Variants in PCDHA3 observed in about 807,000 individuals in gnomAD.
The protein encoded by PCDHA3 is protocadherin alpha-3.
In PCDHA3, 41 loss-of-function variants were observed where a neutral mutation model predicts 62.2. The ratio of observed to expected loss-of-function variants is 0.66; its 90% confidence interval spans 0.51 to 0.86. The LOEUF is 0.86. Among genes scored for constraint, PCDHA3 ranks in the 40% least tolerant of loss-of-function variants. PCDHA3 has a pLI of 0.00. For synonymous variants in PCDHA3, 640 were observed against 555.4 expected, an observed-to-expected ratio of 1.15 and a Z score of -2.14; for missense variants, 1,304 against 1,241.2, an observed-to-expected ratio of 1.05 and a Z score of -0.76.
chr5:140,803,050 C>T lies in PCDHA3; in HGVS notation c.1853C>T (p.Ala618Val), dbSNP rs376717092. Residue 618 changes from alanine to valine, a missense_variant, in exon 1 of 4, where the codon GCG (alanine) becomes GTG (valine). Ala to Val is a moderately conservative substitution (Grantham distance 64, BLOSUM62 0). Coordinates refer to ENST00000522353, the MANE Select transcript of PCDHA3 (RefSeq NM_018906.3). Reference sequence around the variant, plus strand: ...GAGCTGCAGCCTGGGACCGGCGGTGCGCGCATCCCGTTTCGCGTGGGGCTG... The same window carrying T: ...GAGCTGCAGCCTGGGACCGGCGGTGTGCGCATCCCGTTTCGCGTGGGGCTG... ...SYELQPGTGG[A>V]RIPFRVGLYT... The T allele has an allele frequency of 1.9e-6, 3 of 1,613,992 alleles. No homozygotes were observed. Among genetic ancestry groups the T allele is most frequent in the Non-Finnish European group, 2.5e-6 (3 of 1,179,944 alleles).
rs545226629 is a variant in PCDHA3, at chr5:140,856,253, A to G, written c.2394+52662A>G. ...GCGCCTGTTCCGGGTGGCGTCCAAA[A>G]GACACGGGGACCTTCTGGAGGTAAA... On this transcript the variant is annotated intron_variant, in intron 1 of 3. Transcript: ENST00000522353. 2.5e-6 allele frequency: 4 copies of G among 1,597,916 alleles called. No individual in the cohort carries two copies. The African/African-American group carries it at 4.0e-5, about 16-fold the overall frequency.
At position 140,803,556 on chromosome 5, in the gene PCDHA3, G is replaced by A; in HGVS notation, c.2359G>A (p.Glu787Lys). The A allele has an allele frequency of 6.2e-7, 1 of 1,614,228 alleles. No homozygotes were observed. ...TTGTCCAATTAGCCGGGATAGAGAG[G>A]AGAAACAGGATGTGGACGTTGATCT... is the stretch of plus-strand genomic sequence containing the variant. Reference protein sequence around the residue: ...PPCPISRDREEKQDVDVDLSA... With the variant: ...PPCPISRDREKKQDVDVDLSA... Residue 787 changes from glutamate (E) to lysine (K), a missense_variant, in exon 1 of 4, where the codon GAG becomes AAG. Transcript: ENST00000522353.
chr5:140,918,006 TG>T (rs1358735901), intron 1 of PCDHA3, among the ~76,000 whole-genome samples: 6 of 152,208 alleles, frequency 3.9e-5, no homozygotes, highest in Non-Finnish European at 7.3e-5. Flanking sequence ...TTAACAATGT[TG>T]TTTCTTCCTA....
chr5:140,842,413 A>G (rs1206715629), intron 1 of PCDHA3: 5 of 1,613,082 alleles, frequency 3.1e-6, no homozygotes, highest in East Asian at 2.2e-5. Flanking sequence ...AAGACGCTCA[A>G]TTTGGTACTG....
At chr5:140,993,151 TC>T (rs2097543126) in intron 3 of PCDHA3, among the ~76,000 whole-genome samples, 1 of 152,246 alleles carries the variant, frequency 6.6e-6, no homozygotes, top group Admixed American at 6.5e-5. Flanking sequence ...ATAAATGGAT[TC>T]TAAATATTTG....
At chr5:140,871,466 A>T in intron 1 of PCDHA3, 1 of 1,603,050 alleles carries the variant, frequency 6.2e-7, no homozygotes. Flanking sequence ...GGGGAAAGAC[A>T]GGAGCCAGGG....
rs2150119748 is a variant in PCDHA3, at chr5:140,822,840, C to T, written c.2394+19249C>T. 2.5e-5 allele frequency: 40 copies of T among 1,614,188 alleles called. 1 individual carries two copies. The South Asian group carries it at 4.3e-4, about 17-fold the overall frequency. On this transcript the variant is annotated intron_variant, in intron 1 of 3. Transcript: ENST00000522353. ...CAGAGATGGCCATAACCACCCTTTT[C>T]CTGCCTGTCAAAGAGGACGCTCCAC... is the stretch of plus-strand genomic sequence containing the variant.
At chr5:140,822,792 C>A in intron 1 of PCDHA3, 1 of 1,614,074 alleles carries the variant, frequency 6.2e-7, no homozygotes, top group East Asian at 2.2e-5. Flanking sequence ...TAGTGAAACT[C>A]CTGGATGTGA....
chr5:140,828,232 G>C lies in PCDHA3; in HGVS notation c.2394+24641G>C, dbSNP rs111975849. ...CCAAACACGGCACCTTCGTGGGCCGGATCGCGCAGGACCTGGGGCTGGAGC... is the reference window on the plus strand; with the variant it reads ...CCAAACACGGCACCTTCGTGGGCCGCATCGCGCAGGACCTGGGGCTGGAGC... On this transcript the variant is annotated intron_variant, in intron 1 of 3. Transcript: ENST00000522353. The C allele has an allele frequency of 3.8e-5, 61 of 1,613,964 alleles. 1 individual carries two copies. The highest frequency in any genetic ancestry group is 2.1e-4 in the African/African-American group (16 of 75,074).
intron 1 of PCDHA3, among the ~76,000 whole-genome samples, chr5:140,899,434 A>G (rs1583342387): frequency 6.6e-6 from 1 of 152,206 alleles, no homozygotes; most frequent in East Asian, 1.9e-4. Flanking sequence ...TCTTTTCTGC[A>G]TCTATTGAGA....
At chr5:140,827,857 T>C (rs1368807201) in intron 1 of PCDHA3, 6 of 511,642 alleles carry the variant, frequency 1.2e-5, no homozygotes, top group Non-Finnish European at 1.7e-5. Context: ...TTTAAAAATA[T>C]ATGGTATAGC....
chr5:140,876,376 A>G (rs2056310624), intron 1 of PCDHA3: 1 of 1,613,840 alleles, frequency 6.2e-7, no homozygotes, highest in African/African-American at 1.3e-5. Flanking sequence ...CACAGGTGAA[A>G]TTAGAATTTA....
intron 1 of PCDHA3, among the ~76,000 whole-genome samples, chr5:140,955,338 C>T (rs1232401709): frequency 6.6e-6 from 1 of 152,062 alleles, no homozygotes; most frequent in African/African-American, 2.4e-5. Flanking sequence ...TCCCATAATC[C>T]CCACATGTTG....
At chr5:140,830,027 C>T (rs2150179874) in intron 1 of PCDHA3, 11 of 1,613,766 alleles carry the variant, frequency 6.8e-6, no homozygotes, top group Non-Finnish European at 8.5e-6. Context: ...TCCGCGCCAC[C>T]GGCTGCTGGT....
In PCDHA3 at chr5:140,904,730, A is replaced by AT. The variant is rs538757271; in HGVS notation, c.2395-74212dup. 7.6e-4 allele frequency among the ~76,000 whole-genome samples: 116 copies of AT among 152,104 alleles called. 1 individual carries two copies. The highest frequency in any genetic ancestry group is 6.8e-3 in the Middle Eastern group (2 of 294). On this transcript the variant is annotated intron_variant, in intron 1 of 3. Transcript: ENST00000522353. ...CACCACATTCTGGCCAACATCTATT[A>AT]TTTTTTTATTATGACCATTTTTGCA...
chr5:140,822,016 G>A (rs1193134042), intron 1 of PCDHA3: 1 of 1,614,196 alleles, frequency 6.2e-7, no homozygotes, highest in Non-Finnish European at 8.5e-7. Flanking sequence ...TCTGCAGAAT[G>A]GCATTTTGTT....
rs377328620 is a variant in PCDHA3 at position 140,928,577 on chromosome 5, A to G, written c.2395-50372A>G. On this transcript the variant is annotated intron_variant, in intron 1 of 3. Coordinates refer to ENST00000522353, the MANE Select transcript of PCDHA3 (RefSeq NM_018906.3). ...GTTATCTTGTTTCCCTTGCCCAGAA[A>G]TGGTTCTGTCCCAGTGGAAATTGTG... is the stretch of plus-strand genomic sequence containing the variant. The G allele has an allele frequency of 3.7e-6, 6 of 1,614,070 alleles. No homozygotes were observed. The African/African-American group carries it at 6.7e-5, about 18-fold the overall frequency.
At chr5:140,935,564 T>A (rs1554210560) in intron 1 of PCDHA3, among the ~76,000 whole-genome samples, 1 of 152,236 alleles carries the variant, frequency 6.6e-6, no homozygotes, top group Non-Finnish European at 1.5e-5. Context: ...GAAAAGTTCC[T>A]CTCTGTGTAG....
Position 140,843,748 on chromosome 5 carries a change from C to A in PCDHA3, c.2394+40157C>A. On this transcript the variant is annotated intron_variant, in intron 1 of 3. Coordinates refer to ENST00000522353, the MANE Select transcript of PCDHA3 (RefSeq NM_018906.3). ...CATTTAAATTTAGAACTCATAAATT[C>A]TATTTGTGGAAATTGTAGTTACTTT... is the stretch of plus-strand genomic sequence containing the variant. 1.3e-6 allele frequency: 2 copies of A among 1,523,192 alleles called. 1 individual carries two copies. Among genetic ancestry groups the A allele is most frequent in the Non-Finnish European group, 1.8e-6 (2 of 1,110,082 alleles). 94.4% of individuals were successfully genotyped at this position (1,523,192 alleles called of 1,614,324 possible). A position where few individuals can be genotyped will look rare whatever the true frequency, so the allele number is the denominator to read the frequency against.
Sources: gnomAD v4.1 joint callset for allele counts (sites outside exome capture counted in the v4.1 genomes callset) on GRCh38, gnomAD v4.1.1 for gene constraint, MANE v1.5 for transcripts, NCBI Gene and HGNC (gene_info 2026-07-23, HGNC 2026-07-21) for gene names.